The following DZIP3 variants were observed in gnomAD, a reference collection of about 807,000 sequenced individuals.
DZIP3 encodes DAZ interacting zinc finger protein 3, also known as E3 ubiquitin-protein ligase DZIP3.
A neutral mutation model predicts 162.0 loss-of-function variants in DZIP3; 118 were observed. That is an observed-to-expected ratio of 0.73 (90% CI 0.63 to 0.85). DZIP3 has a LOEUF of 0.85. DZIP3 is among the 40% of genes least tolerant of loss of function. The pLI, the probability that DZIP3 is intolerant of heterozygous loss-of-function variation, is 0.00. For missense variants in DZIP3, 1,331 were observed against 1,407.0 expected, an observed-to-expected ratio of 0.95 and a Z score of 0.86; for synonymous variants, 438 against 458.6, an observed-to-expected ratio of 0.96 and a Z score of 0.57.
intron 1 of DZIP3, among the ~76,000 whole-genome samples, chr3:108,600,501 G>A (rs1939947227): frequency 6.6e-6 from 1 of 152,084 alleles, no homozygotes; most frequent in South Asian, 2.1e-4. Context: ...TGAACAGTGT[G>A]CACACATTAT....
At chr3:108,661,340 A>T (rs1387172501) in intron 19 of DZIP3, among the ~76,000 whole-genome samples, 2 of 152,170 alleles carry the variant, frequency 1.3e-5, no homozygotes, top group Non-Finnish European at 2.9e-5. Context: ...TTTTAGGGAC[A>T]TGGAAGAAGC....
chr3:108,669,812 C>G, intron 22 of DZIP3, 63 bp downstream of exon 22: 1 of 1,316,462 alleles, frequency 7.6e-7, no homozygotes, highest in Admixed American at 1.8e-5. Context: ...TCAACACTTT[C>G]TGGCTGGCAT....
intron 1 of DZIP3, chr3:108,603,016 A>G (rs1443403164): frequency 6.6e-6 from 1 of 152,090 alleles, no homozygotes; most frequent in Non-Finnish European, 1.5e-5. Flanking sequence ...TTTCTTTTTC[A>G]AGCTGAACAC....
intron 1 of DZIP3, among the ~76,000 whole-genome samples, chr3:108,596,087 G>A (rs1354612256): frequency 6.6e-6 from 1 of 152,180 alleles, no homozygotes; most frequent in African/African-American, 2.4e-5. Context: ...TCAGGATAAG[G>A]TGTTACAATT....
chr3:108,659,739 C>G (rs1300989683), intron 19 of DZIP3, among the ~76,000 whole-genome samples: 1 of 152,276 alleles, frequency 6.6e-6, no homozygotes, highest in East Asian at 1.9e-4. Context: ...CTAGAAAACT[C>G]CATCATCTCA....
At position 108,612,234 on chromosome 3, in the gene DZIP3, G is replaced by A. The variant is rs190825989; in HGVS notation, c.258+905G>A. Among the ~76,000 whole-genome samples the A allele has an allele frequency of 2.0e-5, 3 of 152,196 alleles. No individual in the cohort carries two copies. In the East Asian group the frequency reaches 5.8e-4, roughly 29 times the overall value. On this transcript the variant is annotated intron_variant, in intron 4 of 32. Transcript: ENST00000361582. ...GGGTAAAGCACCATAGTTGTCTTGA[G>A]AAGGCTACATTTGTCTTTCTATGAA...
Position 108,611,251 on chromosome 3 carries a change from A to G in DZIP3, c.180A>G (p.Ala60=). The G allele has an allele frequency of 6.2e-7, 1 of 1,612,572 alleles. No individual in the cohort carries two copies. Among genetic ancestry groups the G allele is most frequent in the Non-Finnish European group, 8.5e-7 (1 of 1,179,570 alleles). The change falls in exon 4 of 33, where the codon GCA becomes GCG. Residue 60 remains alanine, a synonymous_variant. Transcript: ENST00000361582. ...TAGAAGTGAAGAAGTTATTAAATGC[A>G]ATTAATACTCTACCAAAAGGTGTGG... The part of the protein sequence containing the change: ...LLLEVKKLLN[A]INTLPKGVVP...
intron 6 of DZIP3, 50 bp downstream of exon 6, chr3:108,624,574 A>G: frequency 4.9e-6 from 5 of 1,022,806 alleles, no homozygotes; most frequent in South Asian, 1.7e-5. Flanking sequence ...ATCTTGGAAT[A>G]ATCAGGCCAA....
chr3:108,644,495 G>T lies in DZIP3; in HGVS notation c.1473G>T (p.Pro491=), dbSNP rs761465822. 2 of 1,614,040 alleles carry T rather than the reference G, an allele frequency of 1.2e-6. No homozygotes were observed. Among genetic ancestry groups the T allele is most frequent in the South Asian group, 2.2e-5 (2 of 91,072 alleles). The change falls in exon 14 of 33, where the codon CCG becomes CCT. Residue 491 remains proline, a synonymous_variant. Transcript: ENST00000361582. ...CCAAAAAAGGATGGAATATGGAACC[G>T]CCATCTTCTGACATCTCTAAATCTG... ...PAPKKGWNME[P]PSSDISKSAD...
At chr3:108,630,253 A>T (rs1256576943) in intron 8 of DZIP3, among the ~76,000 whole-genome samples, 1 of 152,092 alleles carries the variant, frequency 6.6e-6, no homozygotes, top group Admixed American at 6.6e-5. Context: ...CTCTTGGTTA[A>T]TGTTTGAATG....
At chr3:108,652,943 T>G (rs1021041672) in intron 18 of DZIP3, among the ~76,000 whole-genome samples, 1 of 151,972 alleles carries the variant, frequency 6.6e-6, no homozygotes. Flanking sequence ...CAAAAGCGCT[T>G]AATGACACAT....
rs764447528 is a variant in DZIP3 at position 108,644,497 on chromosome 3, CATCTTCTGACATCTCTAA to C, written c.1480_1497del (p.Ser494_Ser499del). Reference sequence around the variant, plus strand: ...AAAAAAGGATGGAATATGGAACCGCCATCTTCTGACATCTCTAAATCTGCAGACATCCTGAGACTGTGC... The same window carrying C: ...AAAAAAGGATGGAATATGGAACCGCCATCTGCAGACATCCTGAGACTGTGC... On this transcript the variant is annotated inframe_deletion, in exon 14 of 33. Coordinates refer to ENST00000361582, the MANE Select transcript of DZIP3 (RefSeq NM_014648.4). The C allele has an allele frequency of 3.7e-6, 6 of 1,614,092 alleles. No homozygotes were observed. The South Asian group carries it at 6.6e-5, about 18-fold the overall frequency.
chr3:108,635,648 T>TTA (rs1366627618), intron 10 of DZIP3, among the ~76,000 whole-genome samples: 2 of 145,138 alleles, frequency 1.4e-5, no homozygotes, highest in East Asian at 4.0e-4. Context: ...TATATATATA[T>TTA]TATAATATTA....
In DZIP3 at chr3:108,644,438, T is replaced by G; in HGVS notation, c.1416T>G (p.Ala472=). 1 of 1,614,016 alleles carries G rather than the reference T, an allele frequency of 6.2e-7. No individual in the cohort carries two copies. The highest frequency in any genetic ancestry group is 1.1e-5 in the South Asian group (1 of 91,080). The change falls in exon 14 of 33, where the codon GCT becomes GCG. Residue 472 remains alanine, a synonymous_variant. Transcript: ENST00000361582. ...AGTTTGACTTATGCCTCCTGTTAGC[T>G]CTTATAAAACATTTAAATGTGTTCC... is the stretch of plus-strand genomic sequence containing the variant. The part of the protein sequence containing the change: ...SKQFDLCLLL[A]LIKHLNVFPA...
chr3:108,607,594 C>T (rs1462634901), intron 2 of DZIP3, among the ~76,000 whole-genome samples: 1 of 152,068 alleles, frequency 6.6e-6, no homozygotes, highest in African/African-American at 2.4e-5. Context: ...TCAAGTGATC[C>T]CTTATTACTC....
intron 23 of DZIP3, among the ~76,000 whole-genome samples, chr3:108,673,853 A>T (rs1944008964): frequency 6.6e-6 from 1 of 151,968 alleles, no homozygotes; most frequent in Non-Finnish European, 1.5e-5. Context: ...AAAAGACATG[A>T]TCTGGAATGT....
chr3:108,684,095 T>C, intron 26 of DZIP3, 121 bp from the exon 27 acceptor site: 2 of 1,149,658 alleles, frequency 1.7e-6, no homozygotes, highest in Non-Finnish European at 2.4e-6. Flanking sequence ...GCTTTGTATC[T>C]TGAGTTCAAA....
intron 21 of DZIP3, among the ~76,000 whole-genome samples, chr3:108,666,622 A>G (rs1159521873): frequency 6.6e-6 from 1 of 152,204 alleles, no homozygotes; most frequent in Non-Finnish European, 1.5e-5. Flanking sequence ...TGTATCTACC[A>G]AGATAGACAA....
rs1310535957 is a variant in DZIP3 at position 108,669,836 on chromosome 3, A to G, written c.2492+87A>G. ...TCTGGCTGGCATATTGATGTAATTTATCATTCAAACCGGGGTACTTTTGAG... is the reference window on the plus strand; with the variant it reads ...TCTGGCTGGCATATTGATGTAATTTGTCATTCAAACCGGGGTACTTTTGAG... On this transcript the variant is annotated intron_variant, in intron 22 of 32. Coordinates refer to ENST00000361582, the MANE Select transcript of DZIP3 (RefSeq NM_014648.4). The G allele has an allele frequency of 3.6e-6, 4 of 1,104,172 alleles. No individual in the cohort carries two copies. In the Admixed American group the frequency reaches 7.8e-5, roughly 21 times the overall value. 68.4% of individuals were successfully genotyped at this position (1,104,172 alleles called of 1,614,324 possible). A position where few individuals can be genotyped will look rare whatever the true frequency, so the allele number is the denominator to read the frequency against.
Sources: gnomAD v4.1 joint callset for allele counts (sites outside exome capture counted in the v4.1 genomes callset) on GRCh38, gnomAD v4.1.1 for gene constraint, MANE v1.5 for transcripts, NCBI Gene and HGNC (gene_info 2026-07-23, HGNC 2026-07-21) for gene names.